Variants in SPIDR observed in about 807,000 individuals in gnomAD.
SPIDR encodes scaffold protein involved in DNA repair.
SPIDR carries 93 observed loss-of-function variants against 104.6 expected under a neutral mutation model. The observed-to-expected ratio is 0.89, with a 90% CI of 0.75 to 1.06. The LOEUF (loss-of-function observed/expected upper bound fraction) is 1.06. SPIDR is among the 50% of genes least tolerant of loss of function. The probability of loss-of-function intolerance (pLI) is 0.00; values close to 1 mark genes in which losing one functional copy is unlikely to be tolerated. For missense variants in SPIDR, 1,154 were observed against 1,111.2 expected (o/e 1.04, Z -0.55); for synonymous variants, 431 against 416.9 (o/e 1.03, Z -0.41).
chr8:47,438,642 G>A (rs1054741824), intron 7 of SPIDR, among the ~76,000 whole-genome samples: 11 of 152,164 alleles, frequency 7.2e-5, no homozygotes, highest in Non-Finnish European at 1.3e-4. Context: ...GCAGAAGCTC[G>A]TTATATGCTG....
intron 8 of SPIDR, among the ~76,000 whole-genome samples, chr8:47,500,445 T>A (rs2080211110): frequency 6.6e-6 from 1 of 152,250 alleles, no homozygotes; most frequent in African/African-American, 2.4e-5. Flanking sequence ...TGTCTTCTTT[T>A]GAGAAGTGTC....
intron 8 of SPIDR, among the ~76,000 whole-genome samples, chr8:47,538,710 A>G (rs2087440240): frequency 1.3e-5 from 2 of 152,150 alleles, no homozygotes; most frequent in Admixed American, 1.3e-4. Flanking sequence ...GCTTTATAAA[A>G]TAGAGAGTAA....
intron 8 of SPIDR, among the ~76,000 whole-genome samples, chr8:47,589,426 G>T (rs182377527): frequency 6.6e-6 from 1 of 151,984 alleles, no homozygotes; most frequent in African/African-American, 2.4e-5. Context: ...GGAGGCTGAG[G>T]CAGGAGAATT....
intron 5 of SPIDR, among the ~76,000 whole-genome samples, chr8:47,348,732 C>G (rs530090690): frequency 6.6e-6 from 1 of 152,218 alleles, no homozygotes; most frequent in East Asian, 1.9e-4. Flanking sequence ...TCTTCCACTT[C>G]AATGAATCGG....
chr8:47,713,335 G>C (rs1005884638), intron 15 of SPIDR, 154 bp from the exon 16 acceptor site: 2 of 1,065,452 alleles, frequency 1.9e-6, no homozygotes, highest in Non-Finnish European at 2.8e-6. Flanking sequence ...ATGGGGTTCA[G>C]GAGTGTGCAC....
At chr8:47,382,855 C>A (rs1429704370) in intron 5 of SPIDR, among the ~76,000 whole-genome samples, 2 of 152,176 alleles carry the variant, frequency 1.3e-5, no homozygotes, top group African/African-American at 4.8e-5. Flanking sequence ...CCACTTCCCC[C>A]CATTGCATAC....
chr8:47,391,863 G>A (rs1010326189), intron 5 of SPIDR, among the ~76,000 whole-genome samples: 8 of 151,744 alleles, frequency 5.3e-5, no homozygotes, highest in Non-Finnish European at 1.2e-4. Flanking sequence ...GGGCGTAGTG[G>A]CGGGCGCCTG....
intron 14 of SPIDR, among the ~76,000 whole-genome samples, chr8:47,707,403 C>T (rs1221597827): frequency 2.0e-5 from 3 of 152,098 alleles, no homozygotes; most frequent in East Asian, 3.9e-4. Context: ...TCCCTGTTTA[C>T]ATCTTTTGCC....
chr8:47,581,418 C>T (rs1310385350), intron 8 of SPIDR, among the ~76,000 whole-genome samples: 1 of 152,070 alleles, frequency 6.6e-6, no homozygotes. Flanking sequence ...CTTTGATTCC[C>T]CAGTTATAAG....
intron 7 of SPIDR, among the ~76,000 whole-genome samples, chr8:47,430,845 T>C (rs1388503840): frequency 2.6e-5 from 4 of 152,264 alleles, no homozygotes; most frequent in South Asian, 2.1e-4. Flanking sequence ...AATCCTATTT[T>C]CTGAGCCAAA....
chr8:47,359,291 A>G (rs1434531708), intron 5 of SPIDR, among the ~76,000 whole-genome samples: 1 of 150,212 alleles, frequency 6.7e-6, no homozygotes, highest in East Asian at 2.0e-4. Flanking sequence ...CAAATTTTGT[A>G]TAGTGTTGTT....
intron 5 of SPIDR, among the ~76,000 whole-genome samples, chr8:47,327,777 G>A (rs1237730650): frequency 6.6e-6 from 1 of 152,108 alleles, no homozygotes; most frequent in African/African-American, 2.4e-5. Context: ...TGGCCAGGCT[G>A]ATCTCAAACT....
At chr8:47,429,969 A>G (rs1201259759) in intron 7 of SPIDR, among the ~76,000 whole-genome samples, 2 of 151,686 alleles carry the variant, frequency 1.3e-5, no homozygotes, top group African/African-American at 2.4e-5. Context: ...TATCCCTCCT[A>G]TTTCCACTTT....
At chr8:47,679,815 G>A (rs969850919) in intron 11 of SPIDR, among the ~76,000 whole-genome samples, 1 of 152,248 alleles carries the variant, frequency 6.6e-6, no homozygotes, top group Admixed American at 6.5e-5. Context: ...TGGTTGGTAG[G>A]CTCCCTCAGG....
intron 7 of SPIDR, among the ~76,000 whole-genome samples, chr8:47,436,502 A>T (rs2154341646): frequency 6.6e-6 from 1 of 152,240 alleles, no homozygotes; most frequent in East Asian, 1.9e-4. Context: ...CAGGAAGATC[A>T]CTTGAGCCCA....
chr8:47,720,051 C>T (rs985107206), intron 16 of SPIDR, among the ~76,000 whole-genome samples: 2 of 152,242 alleles, frequency 1.3e-5, no homozygotes, highest in Non-Finnish European at 2.9e-5. Flanking sequence ...AGCCACTCTT[C>T]TTTGTACTGT....
At position 47,543,262 on chromosome 8, in the gene SPIDR, G is replaced by A. The variant is rs2088596123; in HGVS notation, c.1098-52549G>A. On this transcript the variant is annotated intron_variant, in intron 8 of 19. Coordinates refer to ENST00000297423, the MANE Select transcript of SPIDR (RefSeq NM_001080394.4). ...AACTGCCAAACTGGTTTTTAGAGTG[G>A]CTATTTCATTTTACATTGCCACGAG... 2.6e-5 allele frequency among the ~76,000 whole-genome samples: 4 copies of A among 152,176 alleles called. No homozygotes were observed. In the South Asian group the frequency reaches 8.3e-4, roughly 31 times the overall value.
At chr8:47,359,222 C>T (rs547655009) in intron 5 of SPIDR, among the ~76,000 whole-genome samples, 64 of 143,792 alleles carry the variant, frequency 4.5e-4, no homozygotes, top group Non-Finnish European at 6.3e-4. Flanking sequence ...GTCCGCAGTC[C>T]GGCCTGGGCG....
chr8:47,301,224 C>G lies in SPIDR; in HGVS notation c.525+7194C>G, dbSNP rs961532685. ...AATGGCCTTCTTTGTCTCTTCTGAT[C>G]TTTGTTGGCTTAAAGTCTGTTTTAT... is the stretch of plus-strand genomic sequence containing the variant. On this transcript the variant is annotated intron_variant, in intron 5 of 19. Coordinates refer to ENST00000297423, the MANE Select transcript of SPIDR (RefSeq NM_001080394.4). Among the ~76,000 whole-genome samples the G allele has an allele frequency of 9.9e-5, 15 of 152,278 alleles. No homozygotes were observed. In the East Asian group the frequency reaches 1.9e-3, roughly 20 times the overall value.
Sources: allele counts gnomAD v4.1 joint callset (sites outside exome capture counted in the v4.1 genomes callset), GRCh38; gene constraint gnomAD v4.1.1; transcripts MANE v1.5; gene names NCBI Gene and HGNC (gene_info 2026-07-23, HGNC 2026-07-21).